The following ASTN1 variants were observed in gnomAD, a reference collection of about 807,000 sequenced individuals.
ASTN1 encodes the protein astrotactin-1.
ASTN1 carries 41 observed loss-of-function variants against 140.7 expected under a neutral mutation model. That is an observed-to-expected ratio of 0.29 (90% CI 0.23 to 0.38). The LOEUF (loss-of-function observed/expected upper bound fraction) is 0.38, where lower values mean the gene tolerates loss of function less well. Ranked by LOEUF, ASTN1 falls within the 10% of genes least tolerant of loss-of-function variation. The pLI is 1.00. For synonymous variants in ASTN1, 640 were observed against 652.2 expected (o/e 0.98, Z 0.29); for missense variants, 1,479 against 1,678.8 (o/e 0.88, Z 2.08).
intron 1 of ASTN1, among the ~76,000 whole-genome samples, chr1:177,154,868 T>G (rs183640980): frequency 6.6e-6 from 1 of 152,174 alleles, no homozygotes; most frequent in East Asian, 1.9e-4. Flanking sequence ...AATCTCTGCA[T>G]GAGATTACAA....
At chr1:177,018,205 G>A (rs1675651900) in intron 7 of ASTN1, among the ~76,000 whole-genome samples, 1 of 152,198 alleles carries the variant, frequency 6.6e-6, no homozygotes, top group Non-Finnish European at 1.5e-5. Flanking sequence ...TCAGAGGGAA[G>A]TGTGCCAAAA....
intron 1 of ASTN1, among the ~76,000 whole-genome samples, chr1:177,131,733 A>G (rs1436814799): frequency 3.9e-5 from 6 of 152,198 alleles, no homozygotes; most frequent in Admixed American, 3.9e-4. Context: ...TAAAGAAAAG[A>G]GACGTATTTG....
At chr1:176,892,967 G>T (rs1669328952) in intron 17 of ASTN1, among the ~76,000 whole-genome samples, 1 of 152,186 alleles carries the variant, frequency 6.6e-6, no homozygotes. Flanking sequence ...ATGGCCAGAT[G>T]GAAAGCATTT....
At chr1:176,969,436 T>G (rs1208610110) in intron 8 of ASTN1, among the ~76,000 whole-genome samples, 1 of 152,192 alleles carries the variant, frequency 6.6e-6, no homozygotes, top group Admixed American at 6.5e-5. Flanking sequence ...ATGAGCAACC[T>G]GGACCAATCT....
chr1:176,877,903 G>A (rs1668628866), intron 20 of ASTN1, among the ~76,000 whole-genome samples: 1 of 152,140 alleles, frequency 6.6e-6, no homozygotes, highest in Non-Finnish European at 1.5e-5. Context: ...TGCTGGTGAA[G>A]TAGAAAAGAT....
At chr1:176,894,912 G>A in intron 16 of ASTN1, 82 bp from the exon 17 acceptor site, 1 of 1,559,768 alleles carries the variant, frequency 6.4e-7, no homozygotes, top group Non-Finnish European at 8.7e-7. Context: ...TGAGTGCTGG[G>A]GTCCAATCTT....
intron 7 of ASTN1, among the ~76,000 whole-genome samples, chr1:177,021,931 A>G (rs932299233): frequency 4.6e-5 from 7 of 152,220 alleles, no homozygotes; most frequent in Non-Finnish European, 7.3e-5. Flanking sequence ...GGCATGGTAC[A>G]CAGCCCATCT....
chr1:176,928,207 A>G (rs1183927630), intron 16 of ASTN1, among the ~76,000 whole-genome samples: 2 of 152,236 alleles, frequency 1.3e-5, no homozygotes, highest in Non-Finnish European at 2.9e-5. Context: ...TCCATTGGCT[A>G]GGAATAGACT....
At chr1:177,132,297 C>T (rs1681977717) in intron 1 of ASTN1, among the ~76,000 whole-genome samples, 3 of 152,206 alleles carry the variant, frequency 2.0e-5, no homozygotes, top group East Asian at 1.9e-4. Flanking sequence ...AGAAGATTCA[C>T]GTCTGCCTTT....
At chr1:177,137,927 G>C (rs1324617511) in intron 1 of ASTN1, among the ~76,000 whole-genome samples, 1 of 152,132 alleles carries the variant, frequency 6.6e-6, no homozygotes, top group African/African-American at 2.4e-5. Context: ...ATGAGAATAG[G>C]GTTCAGAATG....
At chr1:176,874,373 GA>G (rs1251973969) in intron 21 of ASTN1, among the ~76,000 whole-genome samples, 12 of 152,196 alleles carry the variant, frequency 7.9e-5, no homozygotes, top group Admixed American at 7.9e-4. Context: ...TATGTAACTT[GA>G]ACAGTCTTTT....
intron 1 of ASTN1, among the ~76,000 whole-genome samples, chr1:177,068,528 A>G (rs1678474943): frequency 2.0e-5 from 3 of 152,190 alleles, no homozygotes; most frequent in African/African-American, 7.2e-5. Flanking sequence ...AAACAATGGC[A>G]GGTTAGAGAA....
At chr1:176,931,411 A>G (rs1011038892) in intron 16 of ASTN1, among the ~76,000 whole-genome samples, 2 of 152,188 alleles carry the variant, frequency 1.3e-5, no homozygotes, top group Admixed American at 6.5e-5. Flanking sequence ...GGTTGCGGTG[A>G]GCCGAGATCA....
chr1:177,052,624 A>C (rs1677595151), intron 2 of ASTN1, among the ~76,000 whole-genome samples: 1 of 152,170 alleles, frequency 6.6e-6, no homozygotes, highest in South Asian at 2.1e-4. Flanking sequence ...AATGACCAGC[A>C]TCTTCTCAGA....
intron 1 of ASTN1, among the ~76,000 whole-genome samples, chr1:177,090,573 T>C (rs1409036796): frequency 6.6e-6 from 1 of 152,126 alleles, no homozygotes; most frequent in Non-Finnish European, 1.5e-5. Context: ...AAAGATCATA[T>C]AGACCCAATA....
chr1:177,024,757 A>G, intron 5 of ASTN1, 25 bp from the exon 6 acceptor site: 1 of 1,602,996 alleles, frequency 6.2e-7, no homozygotes, highest in Non-Finnish European at 8.5e-7. Flanking sequence ...AAAGCAAGAT[A>G]CATGGTGGTA....
At chr1:177,063,822 G>C (rs73047038) in intron 1 of ASTN1, among the ~76,000 whole-genome samples, 20,056 of 152,026 alleles carry the variant, frequency 0.13, 1,707 homozygotes, top group African/African-American at 0.24. Context: ...GTCATAGCTC[G>C]TAACAGAGCA....
chr1:177,062,078 G>A (rs1379145618), intron 1 of ASTN1, among the ~76,000 whole-genome samples: 1 of 152,072 alleles, frequency 6.6e-6, no homozygotes, highest in African/African-American at 2.4e-5. Flanking sequence ...AATATGCCGT[G>A]TGTATGTTCC....
intron 16 of ASTN1, among the ~76,000 whole-genome samples, chr1:176,920,254 C>T (rs1449064987): frequency 1.3e-5 from 2 of 152,166 alleles, no homozygotes; most frequent in East Asian, 3.9e-4. Context: ...ATAAGGGTGA[C>T]TGCTTTCTCA....
Sources: gnomAD v4.1 joint callset for allele counts (sites outside exome capture counted in the v4.1 genomes callset) on GRCh38, gnomAD v4.1.1 for gene constraint, MANE v1.5 for transcripts, NCBI Gene and HGNC (gene_info 2026-07-23, HGNC 2026-07-21) for gene names.